Variants in PPHLN1 observed in about 807,000 individuals in gnomAD.
PPHLN1 encodes the protein periphilin-1.
A neutral mutation model predicts 51.3 loss-of-function variants in PPHLN1; 29 were observed. The ratio of observed to expected loss-of-function variants is 0.57; its 90% CI spans 0.42 to 0.77. The LOEUF (loss-of-function observed/expected upper bound fraction) is 0.77, where lower values mean the gene tolerates loss of function less well. Ranked by LOEUF, PPHLN1 falls within the 30% of genes least tolerant of loss-of-function variation. PPHLN1 has a pLI of 0.00. For synonymous variants in PPHLN1, 147 were observed against 147.8 expected (o/e 0.99, Z 0.04); for missense variants, 436 against 438.4 (o/e 0.99, Z 0.05).
intron 8 of PPHLN1, among the ~76,000 whole-genome samples, chr12:42,397,607 A>G (rs1427304024): frequency 2.0e-5 from 3 of 152,092 alleles, no homozygotes; most frequent in African/African-American, 7.2e-5. Flanking sequence ...TTTGTGTTGC[A>G]GTAACAGAAC....
At chr12:42,411,820 G>A (rs747018615) in intron 9 of PPHLN1, among the ~76,000 whole-genome samples, 16 of 149,060 alleles carry the variant, frequency 1.1e-4, no homozygotes, top group African/African-American at 3.5e-4. Context: ...CACGAGAATC[G>A]CTGGCACCCA....
At chr12:42,411,902 T>TAAA (rs2079871485) in intron 9 of PPHLN1, among the ~76,000 whole-genome samples, 11 of 14,606 alleles carry the variant, frequency 7.5e-4, no homozygotes, top group East Asian at 1.4e-3. Context: ...AGACTCAGTC[T>TAAA]CAAAAAAAAA....
intron 4 of PPHLN1, among the ~76,000 whole-genome samples, chr12:42,370,454 C>T (rs2075699695): frequency 6.6e-6 from 1 of 152,152 alleles, no homozygotes; most frequent in Non-Finnish European, 1.5e-5. Flanking sequence ...GATGAGAACT[C>T]TGTTGTATTT....
At chr12:42,382,643 T>C (rs1194979900) in intron 5 of PPHLN1, among the ~76,000 whole-genome samples, 1 of 152,184 alleles carries the variant, frequency 6.6e-6, no homozygotes, top group Non-Finnish European at 1.5e-5. Context: ...ATTCATTGTA[T>C]TTGTTGGAGC....
intron 1 of PPHLN1, among the ~76,000 whole-genome samples, chr12:42,329,454 T>G (rs11181426): frequency 0.17 from 25,421 of 152,144 alleles, 2,180 homozygotes; most frequent in Admixed American, 0.21. Context: ...TAATTCACTC[T>G]GAATACTGAG....
In PPHLN1 at chr12:42,374,514, A is replaced by G. The variant is rs2076071222; in HGVS notation, c.300-349A>G. The G allele has an allele frequency of 3.3e-5, 6 of 182,972 alleles. No individual in the cohort carries two copies. In the South Asian group the frequency reaches 6.1e-4, roughly 19 times the overall value. 11.3% of individuals were successfully genotyped at this position (182,972 alleles called of 1,614,324 possible). ...GAGTACAGTGGCGCGATCTGGGCTC[A>G]CTGCAAGCTCCGCCTCCCAGGTTCA... On this transcript the variant is annotated intron_variant, in intron 4 of 9. Transcript: ENST00000358314.
downstream of PPHLN1, chr12:42,446,332 A>G (rs935827435): frequency 1.4e-5 from 21 of 1,532,056 alleles, no homozygotes; most frequent in Non-Finnish European, 1.7e-5. Context: ...TGTTACCCGT[A>G]CCTACTATAC....
chr12:42,354,088 T>A (rs12227738), intron 3 of PPHLN1, among the ~76,000 whole-genome samples: 24,755 of 152,180 alleles, frequency 0.16, 2,069 homozygotes, highest in Admixed American at 0.2. Context: ...AATATTGAGA[T>A]GGAAAATGAT....
chr12:42,367,299 A>G (rs1178693089), intron 4 of PPHLN1, among the ~76,000 whole-genome samples: 1 of 152,204 alleles, frequency 6.6e-6, no homozygotes, highest in African/African-American at 2.4e-5. Flanking sequence ...CTTAGGTACT[A>G]GTGCACATGA....
rs879337353 is a variant in PPHLN1, at chr12:42,328,758, G to GCTCACT, written c.-21+2529_-21+2530insCTCACT. On this transcript the variant is annotated intron_variant, in intron 1 of 9. Coordinates refer to ENST00000358314, the MANE Select transcript of PPHLN1 (RefSeq NM_201439.2). ...GGTGTCTTGCTCTGTTGCCCAGGCT[G>GCTCACT]GAGTGCAGTGGCACGATCATGGCTC... Among the ~76,000 whole-genome samples the GCTCACT allele has an allele frequency of 1.4e-3, 216 of 152,296 alleles. 1 individual carries two copies. The highest frequency in any genetic ancestry group is 7.3e-3 in the South Asian group (35 of 4,824).
chr12:42,327,001 TGA>T (rs1322559455), intron 1 of PPHLN1, among the ~76,000 whole-genome samples: 6 of 152,180 alleles, frequency 3.9e-5, no homozygotes, highest in Admixed American at 2.6e-4. Context: ...AGCTGAATTT[TGA>T]GAGGCCTGAA....
chr12:42,354,446 G>C (rs974817328), intron 3 of PPHLN1, among the ~76,000 whole-genome samples: 9 of 152,186 alleles, frequency 5.9e-5, no homozygotes, highest in African/African-American at 2.2e-4. Context: ...CTGAACTCAA[G>C]TGATACACCC....
intron 2 of PPHLN1, 106 bp from the exon 3 acceptor site, chr12:42,351,779 T>G (rs1043406516): frequency 2.0e-5 from 16 of 817,698 alleles, no homozygotes; most frequent in Middle Eastern, 3.5e-4. Context: ...GTTTATACAT[T>G]TAGCTCATTC....
chr12:42,390,678 T>C (rs900543421), intron 7 of PPHLN1, among the ~76,000 whole-genome samples: 19 of 152,060 alleles, frequency 1.2e-4, no homozygotes, highest in African/African-American at 4.6e-4. Context: ...TTCCTTTTTT[T>C]TTTTTTTAAG....
Position 42,441,731 on chromosome 12 carries a change from GCT to G in PPHLN1, c.*223_*224del. The G allele has an allele frequency of 8.5e-7, 1 of 1,181,420 alleles. No homozygotes were observed. The highest frequency in any genetic ancestry group is 1.6e-5 in the African/African-American group (1 of 63,076). 73.2% of individuals were successfully genotyped at this position (1,181,420 alleles called of 1,614,324 possible). On this transcript the variant is annotated 3_prime_UTR_variant, in exon 10 of 10. Coordinates refer to ENST00000358314, the MANE Select transcript of PPHLN1 (RefSeq NM_201439.2). ...AGATGGGGTTCACCATGTTGGCCAG[GCT>G]AGTCTCTAACTCCTGGCCTCAAGTG...
intron 7 of PPHLN1, among the ~76,000 whole-genome samples, chr12:42,389,330 G>A (rs560827416): frequency 2.0e-5 from 3 of 151,662 alleles, no homozygotes; most frequent in South Asian, 2.1e-4. Context: ...CCGAGATCAC[G>A]CCACTGCACT....
At chr12:42,393,159 T>G (rs765113699) in intron 7 of PPHLN1, among the ~76,000 whole-genome samples, 23 of 152,228 alleles carry the variant, frequency 1.5e-4, no homozygotes, top group Non-Finnish European at 3.4e-4. Context: ...ATAGCATATC[T>G]GTACGTTTCT....
chr12:42,412,987 T>A (rs1354307600), intron 9 of PPHLN1, among the ~76,000 whole-genome samples: 2 of 152,204 alleles, frequency 1.3e-5, no homozygotes, highest in Non-Finnish European at 2.9e-5. Flanking sequence ...TTTTTCTTGC[T>A]GATTTGAGTT....
intron 7 of PPHLN1, among the ~76,000 whole-genome samples, chr12:42,390,656 T>C (rs2077605463): frequency 6.7e-6 from 1 of 149,402 alleles, no homozygotes; most frequent in South Asian, 2.1e-4. Flanking sequence ...TCTTAAAACA[T>C]TACGTGATTT....
Sources: allele counts gnomAD v4.1 joint callset (sites outside exome capture counted in the v4.1 genomes callset), GRCh38; gene constraint gnomAD v4.1.1; transcripts MANE v1.5; gene names NCBI Gene and HGNC (gene_info 2026-07-23, HGNC 2026-07-21).